FAM136A: variants seen among roughly 807,000 people sequenced by gnomAD.
FAM136A encodes TIM double twin CX3C motif protein.
In FAM136A, 25 loss-of-function variants were observed where a neutral mutation model predicts 21.6. The ratio of observed to expected loss-of-function variants is 1.16; its 90% CI spans 0.84 to 1.62. The LOEUF is 1.62. Ranked by LOEUF, FAM136A falls within the 40% of genes most tolerant of loss-of-function variation. FAM136A has a pLI of 0.00. For synonymous variants in FAM136A, 119 were observed against 129.4 expected, an observed-to-expected ratio of 0.92 and a Z score of 0.55; for missense variants, 338 against 332.0, an observed-to-expected ratio of 1.02 and a Z score of -0.14.
chr2:70,299,369 G>C (rs1697333312), intron 2 of FAM136A, among the ~76,000 whole-genome samples: 1 of 152,148 alleles, frequency 6.6e-6, no homozygotes, highest in Admixed American at 6.5e-5. Flanking sequence ...TTGTGAGCCA[G>C]GAATCAGTGA....
In FAM136A at chr2:70,297,391, C is replaced by G; in HGVS notation, c.636G>C (p.Gln212His). 2.5e-6 allele frequency: 4 copies of G among 1,614,044 alleles called. No homozygotes were observed. The highest frequency in any genetic ancestry group is 3.4e-6 in the Non-Finnish European group (4 of 1,179,912). Residue 212 changes from glutamine (Q) to histidine (H), a missense_variant, in exon 3 of 3, where the codon CAG becomes CAC. Coordinates refer to ENST00000430566, the MANE Select transcript of FAM136A (RefSeq NM_001329752.2). ...DAGSKELQVK[Q>H]QLDSCVTKCV... Reference sequence around the variant, plus strand: ...ACTTGGTCACACAACTGTCCAGCTGCTGCTTCACCTGAAGCTCCTTACTCC... The same window carrying G: ...ACTTGGTCACACAACTGTCCAGCTGGTGCTTCACCTGAAGCTCCTTACTCC...
intron 2 of FAM136A, among the ~76,000 whole-genome samples, chr2:70,300,332 C>G (rs990706667): frequency 3.3e-5 from 5 of 151,762 alleles, no homozygotes; most frequent in Admixed American, 3.3e-4. Context: ...CCCATTACAT[C>G]ATTTCTTTTT....
rs1422836600 is a variant in FAM136A at position 70,300,828 on chromosome 2, G to A, written c.549+12C>T. On this transcript the variant is annotated intron_variant, in intron 2 of 2. Coordinates refer to ENST00000430566, the MANE Select transcript of FAM136A (RefSeq NM_001329752.2). ...TCAAGGACTACAGTGCTCTGTCTAG[G>A]ATATTTCTCACCTGGAACTTCTCCA... is the stretch of plus-strand genomic sequence containing the variant. The A allele has an allele frequency of 6.2e-7, 1 of 1,605,990 alleles. No individual in the cohort carries two copies. Among genetic ancestry groups the A allele is most frequent in the Non-Finnish European group, 8.5e-7 (1 of 1,173,558 alleles).
rs1697378847 is a variant in FAM136A, at chr2:70,300,920, C to T, written c.469G>A (p.Val157Met). 1 of 1,613,692 alleles carries T rather than the reference C, an allele frequency of 6.2e-7. No homozygotes were observed. The highest frequency in any genetic ancestry group is 1.3e-5 in the African/African-American group (1 of 75,058). ...TGGCAGCGCTCGATGCACTGGTGCA[C>T]CTGCTTCATGGAGGCCTGGCTGTCC... is the stretch of plus-strand genomic sequence containing the variant. Reference protein sequence around the residue: ...CEDSQASMKQVHQCIERCHVP... With the variant: ...CEDSQASMKQMHQCIERCHVP... Residue 157 changes from valine to methionine, a missense_variant, in exon 2 of 3, where the codon GTG becomes ATG. Transcript: ENST00000430566.
At chr2:70,297,632 T>TTG (rs1172943698) in intron 2 of FAM136A, among the ~76,000 whole-genome samples, 155 bp from the exon 3 acceptor site, 2 of 145,206 alleles carry the variant, frequency 1.4e-5, no homozygotes, top group African/African-American at 5.2e-5. Flanking sequence ...TTTTTTTTTT[T>TTG]TTTTTTTTTT....
intron 2 of FAM136A, among the ~76,000 whole-genome samples, chr2:70,297,746 A>C (rs973941389): frequency 8.3e-5 from 12 of 144,152 alleles, no homozygotes; most frequent in African/African-American, 3.1e-4. Context: ...CTATCTTTCC[A>C]CCTCTGCTCT....
rs75086964 is a variant in FAM136A at position 70,297,444 on chromosome 2, C to T, written c.583G>A (p.Asp195Asn). The part of the protein sequence containing the change: ...RLARCTMHCN[D>N]KAKDSIDAGS... ...GCATCTATTGAATCTTTGGCTTTGT[C>T]GTTGCAATGCATGGTGCACCGGGCC... The change falls in exon 3 of 3, where the codon GAC becomes AAC. Residue 195 changes from aspartate (D) to asparagine (N), a missense_variant. Coordinates refer to ENST00000430566, the MANE Select transcript of FAM136A (RefSeq NM_001329752.2). 23 of 1,522,688 alleles carry T rather than the reference C, an allele frequency of 1.5e-5. No homozygotes were observed. The highest frequency in any genetic ancestry group is 8.0e-5 in the South Asian group (7 of 87,332). 94.3% of individuals were successfully genotyped at this position (1,522,688 alleles called of 1,614,324 possible). A position where few individuals can be genotyped will look rare whatever the true frequency, so the allele number is the denominator to read the frequency against.
chr2:70,301,309 TG>T, intron 1 of FAM136A: 1 of 1,367,200 alleles, frequency 7.3e-7, no homozygotes, highest in African/African-American at 1.5e-5. Context: ...GCCTCTTCCA[TG>T]GGGTTCAGAG....
chr2:70,297,613 T>C (rs1449173153), intron 2 of FAM136A, 136 bp from the exon 3 acceptor site: 32 of 645,488 alleles, frequency 5.0e-5, no homozygotes, highest in Non-Finnish European at 6.4e-5. Context: ...GGTAGTGTGA[T>C]TGGCCAAGTT....
Position 70,301,773 on chromosome 2 carries a change from T to G in FAM136A, c.239A>C (p.Asp80Ala). 5.8e-6 allele frequency: 9 copies of G among 1,545,624 alleles called. No homozygotes were observed. Among genetic ancestry groups the G allele is most frequent in the Non-Finnish European group, 7.9e-6 (9 of 1,146,284 alleles). The stretch of plus-strand genomic sequence containing the variant: ...ATCCGATCCGCCAAAGCTTCCGAAG[T>G]CCTGTCCGAGGCCGCCCCGGCGACC... ...PWGRRGGLGQDFGSFGGSDEI... is the reference protein window; with the variant it reads ...PWGRRGGLGQAFGSFGGSDEI... Residue 80 changes from aspartate to alanine, a missense_variant, in exon 1 of 3, where the codon GAC becomes GCC. Transcript: ENST00000430566.
At chr2:70,297,539 C>A in intron 2 of FAM136A, 62 bp from the exon 3 acceptor site, 2 of 1,532,294 alleles carry the variant, frequency 1.3e-6, no homozygotes, top group South Asian at 1.2e-5. Flanking sequence ...ACTGCGTGCT[C>A]ATTATGTGTT....
rs994973107 is a variant in FAM136A, at chr2:70,301,645, G to A, written c.367C>T (p.Leu123Phe). 1 of 1,535,644 alleles carries A rather than the reference G, an allele frequency of 6.5e-7. No homozygotes were observed. Among genetic ancestry groups the A allele is most frequent in the Non-Finnish European group, 8.7e-7 (1 of 1,146,638 alleles). ...GTAAGAGGGGAAGGTGGTGGGGCGA[G>A]CGCCTGCCACCAGGGGCTTCCCACC... Reference protein sequence around the residue: ...RQVGSPWWQALAPPPSPLTRP... With the variant: ...RQVGSPWWQAFAPPPSPLTRP... Residue 123 changes from leucine (L) to phenylalanine (F), a missense_variant, in exon 1 of 3, where the codon CTC becomes TTC. Physicochemically the swap from Leu to Phe is conservative, Grantham distance 22. Coordinates refer to ENST00000430566, the MANE Select transcript of FAM136A (RefSeq NM_001329752.2).
intron 2 of FAM136A, 143 bp from the exon 3 acceptor site, chr2:70,297,620 AGTTT>A: frequency 4.9e-6 from 2 of 405,710 alleles, no homozygotes; most frequent in Non-Finnish European, 4.0e-6. Context: ...TGATTGGCCA[AGTTT>A]TTTTTTTTTT....
In FAM136A at chr2:70,299,806, T is replaced by C. The variant is rs546701578; in HGVS notation, c.549+1034A>G. On this transcript the variant is annotated intron_variant, in intron 2 of 2. Transcript: ENST00000430566. The stretch of plus-strand genomic sequence containing the variant: ...TAGTAGAGACGGGGTTTCACTGTGT[T>C]AGCCAGGATGGTCTGGATCTCCTGA... Among the ~76,000 whole-genome samples the C allele has an allele frequency of 1.4e-3, 207 of 152,148 alleles. 2 individuals are homozygous for C. The highest frequency in any genetic ancestry group is 3.4e-3 in the Middle Eastern group (1 of 294).
At chr2:70,301,050 G>GGA (rs770805694) in intron 1 of FAM136A, 70 bp from the exon 2 acceptor site, 133 of 1,510,954 alleles carry the variant, frequency 8.8e-5, no homozygotes, top group Non-Finnish European at 1.1e-4. Flanking sequence ...GAGCACTACA[G>GGA]GAGTTAGAAG....
At chr2:70,297,620 A>ATTTT (rs1471928059) in intron 2 of FAM136A, 143 bp from the exon 3 acceptor site, 46 of 405,900 alleles carry the variant, frequency 1.1e-4, no homozygotes, top group African/African-American at 7.9e-4. Flanking sequence ...TGATTGGCCA[A>ATTTT]GTTTTTTTTT....
rs1226590143 is a variant in FAM136A, at chr2:70,296,088, G to A, written c.*1201C>T. On this transcript the variant is annotated 3_prime_UTR_variant, in exon 3 of 3. Transcript: ENST00000430566. ...TATTATAATTTCAAGTAATAAGTTGGTGAAAATTCAACGAAGTTGCTATCA... is the reference window on the plus strand; with the variant it reads ...TATTATAATTTCAAGTAATAAGTTGATGAAAATTCAACGAAGTTGCTATCA... 2.0e-5 allele frequency: 3 copies of A among 152,624 alleles called. No individual in the cohort carries two copies. The highest frequency in any genetic ancestry group is 7.2e-5 in the African/African-American group (3 of 41,448). The allele number at this position is 152,624 out of a possible 1,614,324, so 9.5% of individuals were successfully genotyped here.
chr2:70,297,575 G>C (rs1349925113), intron 2 of FAM136A, 98 bp from the exon 3 acceptor site: 1 of 888,874 alleles, frequency 1.1e-6, no homozygotes, highest in Non-Finnish European at 1.6e-6. Context: ...GGTTTAATAT[G>C]TATTATCTTG....
chr2:70,301,671 T>C lies in FAM136A; in HGVS notation c.341A>G (p.Gln114Arg), dbSNP rs1424710771. The C allele has an allele frequency of 6.5e-7, 1 of 1,535,066 alleles. No homozygotes were observed. The highest frequency in any genetic ancestry group is 8.7e-7 in the Non-Finnish European group (1 of 1,146,210). ...SSPGQERPRRQVGSPWWQALA... is the reference protein window; with the variant it reads ...SSPGQERPRRRVGSPWWQALA... Reference sequence around the variant, plus strand: ...CGCCTGCCACCAGGGGCTTCCCACCTGCCGCCGAGGACGCTCCTGCCCCGG... The same window carrying C: ...CGCCTGCCACCAGGGGCTTCCCACCCGCCGCCGAGGACGCTCCTGCCCCGG... Residue 114 changes from glutamine (Q) to arginine (R), a missense_variant, in exon 1 of 3, where the codon CAG becomes CGG. Coordinates refer to ENST00000430566, the MANE Select transcript of FAM136A (RefSeq NM_001329752.2).
Sources: allele counts gnomAD v4.1 joint callset (sites outside exome capture counted in the v4.1 genomes callset), GRCh38; gene constraint gnomAD v4.1.1; transcripts MANE v1.5; gene names NCBI Gene and HGNC (gene_info 2026-07-23, HGNC 2026-07-21).